ATXN1: variants seen among roughly 807,000 people sequenced by gnomAD.
ATXN1 encodes ataxin 1.
A neutral mutation model predicts 56.4 loss-of-function variants in ATXN1; 8 were observed. The observed-to-expected ratio is 0.14, with a 90% CI of 0.08 to 0.26. The LOEUF (loss-of-function observed/expected upper bound fraction) is 0.26, where lower values mean the gene tolerates loss of function less well. ATXN1 is among the 10% of genes least tolerant of loss of function. ATXN1 has a pLI of 1.00. For missense variants in ATXN1, 987 were observed against 1,106.5 expected (o/e 0.89, Z 1.53); for synonymous variants, 514 against 494.6 (o/e 1.04, Z -0.52).
intron 5 of ATXN1, among the ~76,000 whole-genome samples, chr6:16,515,365 A>T (rs1480584212): frequency 1.3e-5 from 2 of 151,752 alleles, no homozygotes; most frequent in East Asian, 3.9e-4. Flanking sequence ...CCAGTTCAGG[A>T]CCCCTCCCCA....
At chr6:16,609,213 A>G (rs748209011) in intron 3 of ATXN1, among the ~76,000 whole-genome samples, 19 of 152,322 alleles carry the variant, frequency 1.2e-4, no homozygotes, top group Non-Finnish European at 1.9e-4. Flanking sequence ...TGAACGCTGG[A>G]GGTGAGAGCA....
At chr6:16,346,479 A>G (rs981280780) in intron 6 of ATXN1, among the ~76,000 whole-genome samples, 10 of 152,220 alleles carry the variant, frequency 6.6e-5, no homozygotes, top group African/African-American at 2.2e-4. Context: ...TGCTGGTCAC[A>G]GACTAAAGAG....
chr6:16,487,284 C>CAAG (rs1554109950), intron 5 of ATXN1, among the ~76,000 whole-genome samples: 2 of 151,652 alleles, frequency 1.3e-5, no homozygotes, highest in African/African-American at 4.9e-5. Flanking sequence ...ACAGAAAAAA[C>CAAG]AGTTGTAGTA....
intron 6 of ATXN1, among the ~76,000 whole-genome samples, chr6:16,360,545 C>T (rs1244575290): frequency 6.6e-6 from 1 of 152,080 alleles, no homozygotes; most frequent in East Asian, 1.9e-4. Flanking sequence ...GAGAAAGTGC[C>T]CTCAGAGCCA....
intron 6 of ATXN1, among the ~76,000 whole-genome samples, chr6:16,342,342 T>TA (rs112126818): frequency 1.4e-3 from 211 of 146,768 alleles, no homozygotes; most frequent in Middle Eastern, 3.5e-3. Flanking sequence ...TTCTTTTTTT[T>TA]AAAAAAAAAA....
intron 4 of ATXN1, among the ~76,000 whole-genome samples, chr6:16,526,097 A>G (rs2113700581): frequency 7.1e-6 from 1 of 141,418 alleles, no homozygotes; most frequent in African/African-American, 2.7e-5. Flanking sequence ...ATGTACTATG[A>G]TAGTATTCAT....
At chr6:16,362,594 C>T (rs1237668950) in intron 6 of ATXN1, among the ~76,000 whole-genome samples, 3 of 152,172 alleles carry the variant, frequency 2.0e-5, no homozygotes, top group African/African-American at 7.2e-5. Context: ...ACCAGCAGCA[C>T]CAGGAAGCTG....
chr6:16,356,516 T>C (rs1400443120), intron 6 of ATXN1, among the ~76,000 whole-genome samples: 3 of 152,230 alleles, frequency 2.0e-5, no homozygotes, highest in African/African-American at 7.2e-5. Context: ...ACATAATTGT[T>C]AGTATTTTCC....
chr6:16,674,516 A>ATTT (rs557068608), intron 2 of ATXN1, among the ~76,000 whole-genome samples: 46 of 138,434 alleles, frequency 3.3e-4, no homozygotes, highest in African/African-American at 8.8e-4. Context: ...CGCCCAGCTA[A>ATTT]TTTTTTTTTT....
intron 3 of ATXN1, among the ~76,000 whole-genome samples, chr6:16,609,348 T>C (rs1057275609): frequency 2.0e-5 from 3 of 152,194 alleles, no homozygotes; most frequent in Non-Finnish European, 4.4e-5. Context: ...TCTCTCTACA[T>C]AGCAGGACTC....
intron 3 of ATXN1, chr6:16,614,970 C>A (rs1763181005): frequency 6.6e-6 from 1 of 150,998 alleles, no homozygotes; most frequent in Non-Finnish European, 1.5e-5. Context: ...ATACAAATGA[C>A]AAATTTTCTA....
At chr6:16,445,606 C>A (rs1331516640) in intron 6 of ATXN1, among the ~76,000 whole-genome samples, 2 of 151,508 alleles carry the variant, frequency 1.3e-5, no homozygotes, top group Non-Finnish European at 2.9e-5. Context: ...ATGTGCCATG[C>A]TGGTGTGCTG....
At chr6:16,563,562 G>A (rs79814073) in intron 4 of ATXN1, among the ~76,000 whole-genome samples, 1 of 152,140 alleles carries the variant, frequency 6.6e-6, no homozygotes, top group Admixed American at 6.6e-5. Flanking sequence ...CTGAGGAAGA[G>A]AGGGAAAGCA....
intron 2 of ATXN1, among the ~76,000 whole-genome samples, chr6:16,712,640 C>T (rs1301345657): frequency 6.6e-6 from 1 of 151,918 alleles, no homozygotes; most frequent in Non-Finnish European, 1.5e-5. Context: ...CCCTCGACAC[C>T]TCTGTTAATC....
At chr6:16,669,667 C>CTT (rs11356086) in intron 2 of ATXN1, among the ~76,000 whole-genome samples, 1,391 of 113,096 alleles carry the variant, frequency 0.012, 17 homozygotes, top group Non-Finnish European at 0.016. Context: ...ACTGAACAAT[C>CTT]TTTTTTTTTT....
At chr6:16,495,583 C>G (rs1193915805) in intron 5 of ATXN1, among the ~76,000 whole-genome samples, 1 of 152,194 alleles carries the variant, frequency 6.6e-6, no homozygotes, top group Non-Finnish European at 1.5e-5. Flanking sequence ...AGTATTGGGG[C>G]TAGGCGTGGT....
intron 6 of ATXN1, among the ~76,000 whole-genome samples, chr6:16,387,235 G>T (rs140090990): frequency 0.011 from 1,612 of 152,298 alleles, 23 homozygotes; most frequent in Non-Finnish European, 0.014. Context: ...GGATGAAGTA[G>T]AAGCTAGGTT....
Position 16,327,711 on chromosome 6 carries a change from C to A in ATXN1, c.600G>T (p.Gln200His), listed in dbSNP as rs766640532. The change falls in exon 7 of 8, where the codon CAG (glutamine) becomes CAT (histidine). Residue 200 changes from glutamine to histidine, a missense_variant. By Grantham distance (24) the Gln-to-His change is conservative (BLOSUM62 0). Coordinates refer to ENST00000436367, the MANE Select transcript of ATXN1 (RefSeq NM_001128164.2). ...TPGHKAEQQQ[Q>H]QQQQQQQQHQ... ...GCTGCTGCTGCTGCTGCTGCTGCTG[C>A]TGCTGCTGCTGCTCAGCCTTGTGTC... The A allele has an allele frequency of 3.8e-5, 61 of 1,605,000 alleles. No homozygotes were observed. Among genetic ancestry groups the A allele is most frequent in the East Asian group, 1.1e-4 (5 of 44,796 alleles).
chr6:16,341,050 C>T (rs933687814), intron 6 of ATXN1, among the ~76,000 whole-genome samples: 5 of 152,224 alleles, frequency 3.3e-5, no homozygotes, highest in African/African-American at 1.2e-4. Flanking sequence ...TCTTAATATC[C>T]TCAGCCCACT....
Sources: gnomAD v4.1 joint callset for allele counts (sites outside exome capture counted in the v4.1 genomes callset) on GRCh38, gnomAD v4.1.1 for gene constraint, MANE v1.5 for transcripts, NCBI Gene and HGNC (gene_info 2026-07-23, HGNC 2026-07-21) for gene names.